The following SEMA5A variants were observed in gnomAD, a reference collection of about 807,000 sequenced individuals.
The protein encoded by SEMA5A is semaphorin 5A.
A neutral mutation model predicts 135.5 loss-of-function variants in SEMA5A; 55 were observed. The ratio of observed to expected loss-of-function variants is 0.41; its 90% CI spans 0.33 to 0.51. SEMA5A has a LOEUF of 0.51. SEMA5A is among the 20% of genes least tolerant of loss of function. The pLI is 0.37. For missense variants in SEMA5A, 1,290 were observed against 1,419.9 expected (o/e 0.91, Z 1.47); for synonymous variants, 580 against 546.5 (o/e 1.06, Z -0.85).
intron 1 of SEMA5A, among the ~76,000 whole-genome samples, chr5:9,490,652 G>A (rs143719503): frequency 2.0e-4 from 31 of 152,292 alleles, no homozygotes; most frequent in East Asian, 7.7e-4. Context: ...GGTCTGCAAA[G>A]CTCCAACACT....
Position 9,066,704 on chromosome 5 carries a change from A to C in SEMA5A, c.2074-58T>G, listed in dbSNP as rs982778051. 2.7e-6 allele frequency: 4 copies of C among 1,464,744 alleles called. No homozygotes were observed. The African/African-American group carries it at 5.6e-5, about 20-fold the overall frequency. 90.7% of individuals were successfully genotyped at this position (1,464,744 alleles called of 1,614,324 possible). ...CGGGGTAAACAGAGCAACCTCACGAAGGGCTCCTTTCCTTTAGGGAAAGAT... is the reference window on the plus strand; with the variant it reads ...CGGGGTAAACAGAGCAACCTCACGACGGGCTCCTTTCCTTTAGGGAAAGAT... On this transcript the variant is annotated intron_variant, in intron 16 of 22. Transcript: ENST00000382496.
intron 3 of SEMA5A, among the ~76,000 whole-genome samples, chr5:9,349,553 T>G (rs531150035): frequency 1.1e-4 from 16 of 152,094 alleles, no homozygotes; most frequent in African/African-American, 3.6e-4. Context: ...CCAATGAAAA[T>G]GTAATGTAAG....
chr5:9,143,117 C>G (rs1307718203), intron 12 of SEMA5A, among the ~76,000 whole-genome samples: 1 of 152,112 alleles, frequency 6.6e-6, no homozygotes, highest in East Asian at 1.9e-4. Context: ...AACAAAAATA[C>G]CTATTCACAG....
rs1483923330 is a variant in SEMA5A at position 9,442,564 on chromosome 5, C to A, written c.-174-4712G>T. ...GAGTTCTTCATGTAAATCATTGATC[C>A]TGAGGGTGCCCATGAGCCACATGGC... On this transcript the variant is annotated intron_variant, in intron 1 of 22. Transcript: ENST00000382496. Among the ~76,000 whole-genome samples, 6 of 152,246 alleles carry A rather than the reference C, an allele frequency of 3.9e-5. No individual in the cohort carries two copies. The South Asian group carries it at 6.2e-4, about 16-fold the overall frequency.
At chr5:9,446,659 G>C (rs748528975) in intron 1 of SEMA5A, among the ~76,000 whole-genome samples, 1 of 151,930 alleles carries the variant, frequency 6.6e-6, no homozygotes, top group Non-Finnish European at 1.5e-5. Flanking sequence ...GAAAAATGTG[G>C]TCTCTCAATT....
intron 15 of SEMA5A, 110 bp downstream of exon 15, chr5:9,118,888 G>A: frequency 7.4e-7 from 1 of 1,347,748 alleles, no homozygotes; most frequent in Non-Finnish European, 1.0e-6. Context: ...GGAAAGGGAT[G>A]CCACACATAA....
chr5:9,305,716 A>ATATATACATATATATATATG (rs1751831412), intron 5 of SEMA5A, among the ~76,000 whole-genome samples: 4 of 121,214 alleles, frequency 3.3e-5, no homozygotes, highest in African/African-American at 1.4e-4. Flanking sequence ...GCGTATATAT[A>ATATATACATATATATATATG]TATATATATA....
intron 13 of SEMA5A, among the ~76,000 whole-genome samples, chr5:9,134,006 G>C (rs1026785384): frequency 1.3e-5 from 2 of 152,066 alleles, no homozygotes; most frequent in African/African-American, 4.8e-5. Flanking sequence ...GTTTAAAAGT[G>C]AGTTTCTCCT....
intron 11 of SEMA5A, among the ~76,000 whole-genome samples, chr5:9,177,274 G>T (rs940980176): frequency 3.9e-5 from 6 of 152,322 alleles, no homozygotes; most frequent in East Asian, 1.9e-4. Context: ...TTACCCTAAA[G>T]AATTGACTTC....
At chr5:9,368,297 A>C (rs1001502763) in intron 3 of SEMA5A, among the ~76,000 whole-genome samples, 3 of 152,226 alleles carry the variant, frequency 2.0e-5, no homozygotes, top group Non-Finnish European at 4.4e-5. Context: ...GTATCCTAAC[A>C]AACTCAGGCT....
At chr5:9,068,862 G>T (rs12521925) in intron 16 of SEMA5A, among the ~76,000 whole-genome samples, 14,993 of 152,208 alleles carry the variant, frequency 0.099, 873 homozygotes, top group African/African-American at 0.14. Context: ...CAGCTAAAAT[G>T]TATTACGGTA....
intron 10 of SEMA5A, among the ~76,000 whole-genome samples, chr5:9,193,847 A>C (rs149407424): frequency 1.5e-3 from 221 of 152,350 alleles, no homozygotes; most frequent in Non-Finnish European, 2.2e-3. Flanking sequence ...CAGTGAGCTG[A>C]GATCGTACCA....
At chr5:9,091,963 A>G (rs1739058750) in intron 16 of SEMA5A, among the ~76,000 whole-genome samples, 1 of 152,194 alleles carries the variant, frequency 6.6e-6, no homozygotes, top group African/African-American at 2.4e-5. Context: ...AAGGAGCTTA[A>G]AGTTATGAGC....
intron 16 of SEMA5A, among the ~76,000 whole-genome samples, chr5:9,078,958 C>A (rs1738221185): frequency 6.6e-6 from 1 of 151,790 alleles, no homozygotes; most frequent in African/African-American, 2.4e-5. Flanking sequence ...AAATTGATAT[C>A]TAACATTTTT....
At chr5:9,242,628 C>T (rs546107462) in intron 5 of SEMA5A, among the ~76,000 whole-genome samples, 7 of 151,986 alleles carry the variant, frequency 4.6e-5, no homozygotes, top group Non-Finnish European at 8.8e-5. Context: ...AGAGTGGGAG[C>T]GGGGCAAGGC....
At chr5:9,195,395 A>G (rs1745335064) in intron 10 of SEMA5A, among the ~76,000 whole-genome samples, 1 of 152,108 alleles carries the variant, frequency 6.6e-6, no homozygotes, top group African/African-American at 2.4e-5. Context: ...TTGTCTCGAA[A>G]TCCTGGCCTC....
At chr5:9,388,134 G>C (rs772396681) in intron 2 of SEMA5A, among the ~76,000 whole-genome samples, 4 of 152,110 alleles carry the variant, frequency 2.6e-5, no homozygotes, top group Non-Finnish European at 5.9e-5. Flanking sequence ...TGAACTCAGA[G>C]GAGATGGAAT....
intron 1 of SEMA5A, among the ~76,000 whole-genome samples, chr5:9,500,586 C>T (rs1735542249): frequency 6.6e-6 from 1 of 152,164 alleles, no homozygotes; most frequent in Admixed American, 6.5e-5. Context: ...ATGGCCCACA[C>T]TGAGGTTTGC....
chr5:9,252,909 T>C (rs553721580), intron 5 of SEMA5A, among the ~76,000 whole-genome samples: 2 of 152,290 alleles, frequency 1.3e-5, no homozygotes, highest in Non-Finnish European at 2.9e-5. Flanking sequence ...CCCTTTTGCA[T>C]GGGCTAGCTC....
Sources: gnomAD v4.1 joint callset for allele counts (sites outside exome capture counted in the v4.1 genomes callset) on GRCh38, gnomAD v4.1.1 for gene constraint, MANE v1.5 for transcripts, NCBI Gene and HGNC (gene_info 2026-07-23, HGNC 2026-07-21) for gene names.